The following ANXA4 variants were observed in gnomAD, a reference collection of about 807,000 sequenced individuals.
ANXA4 encodes annexin A4, also known as 35-beta calcimedin.
Under a neutral mutation model 49.8 loss-of-function variants are expected in ANXA4, and 39 were observed. The observed-to-expected ratio is 0.78, with a 90% CI of 0.61 to 1.02. The LOEUF is 1.02. ANXA4 is among the 50% of genes least tolerant of loss of function. ANXA4 has a pLI of 0.00. For synonymous variants in ANXA4, 134 were observed against 152.5 expected (o/e 0.88, Z 0.89); for missense variants, 360 against 410.1 (o/e 0.88, Z 1.05).
At chr2:69,763,920 C>T (rs566411437) in intron 1 of ANXA4, among the ~76,000 whole-genome samples, 1 of 152,256 alleles carries the variant, frequency 6.6e-6, no homozygotes. Context: ...CTCGGCCTCC[C>T]AAAGTGCTGG....
At chr2:69,728,293 T>C (rs1279740989) in intron 3 of ANXA4, among the ~76,000 whole-genome samples, 1 of 152,222 alleles carries the variant, frequency 6.6e-6, no homozygotes, top group Non-Finnish European at 1.5e-5. Context: ...AGCCCTTTTT[T>C]GATACATGTA....
At chr2:69,802,152 C>A (rs564667627) in intron 3 of ANXA4, among the ~76,000 whole-genome samples, 1 of 152,092 alleles carries the variant, frequency 6.6e-6, no homozygotes, top group Non-Finnish European at 1.5e-5. Flanking sequence ...TGATGGGGAG[C>A]CATTGTGTAT....
intron 2 of ANXA4, among the ~76,000 whole-genome samples, chr2:69,710,193 G>A (rs1678633461): frequency 6.6e-6 from 1 of 151,820 alleles, no homozygotes; most frequent in Admixed American, 6.6e-5. Context: ...CACCATATTG[G>A]CCAGGCTGGT....
At chr2:69,682,770 A>G (rs1677643617) in intron 2 of ANXA4, among the ~76,000 whole-genome samples, 1 of 152,246 alleles carries the variant, frequency 6.6e-6, no homozygotes, top group Admixed American at 6.5e-5. Flanking sequence ...AAGGAGAAAT[A>G]CAGTGCAGCA....
chr2:69,684,685 CA>C (rs199639261), intron 2 of ANXA4, among the ~76,000 whole-genome samples: 18,031 of 79,928 alleles, frequency 0.23, 1,464 homozygotes, highest in East Asian at 0.44. Context: ...AAGACTGTCT[CA>C]AAAAAAAAAA....
intron 2 of ANXA4, among the ~76,000 whole-genome samples, chr2:69,665,400 G>A (rs529274246): frequency 2.6e-5 from 4 of 152,182 alleles, no homozygotes; most frequent in Non-Finnish European, 4.4e-5. Context: ...TGGCAGCCAG[G>A]CAACACACTC....
intron 2 of ANXA4, among the ~76,000 whole-genome samples, chr2:69,690,013 T>C (rs915253164): frequency 6.6e-6 from 1 of 152,236 alleles, no homozygotes; most frequent in Admixed American, 6.5e-5. Context: ...TTCTACCTTG[T>C]TTTGTTTTCA....
At chr2:69,746,623 T>A (rs1035159092) in intron 1 of ANXA4, among the ~76,000 whole-genome samples, 19 of 152,180 alleles carry the variant, frequency 1.2e-4, no homozygotes, top group South Asian at 6.2e-4. Context: ...AACCACCACC[T>A]TTGAAGAATT....
At chr2:69,726,004 T>C (rs1265919676) in intron 3 of ANXA4, among the ~76,000 whole-genome samples, 1 of 152,170 alleles carries the variant, frequency 6.6e-6, no homozygotes, top group African/African-American at 2.4e-5. Context: ...GTGAGATCAA[T>C]TGTGTATTTT....
intron 1 of ANXA4, among the ~76,000 whole-genome samples, chr2:69,770,627 A>T (rs1671667315): frequency 6.6e-6 from 1 of 152,014 alleles, no homozygotes; most frequent in Non-Finnish European, 1.5e-5. Flanking sequence ...GGGTGAATTC[A>T]CCACAATGCA....
chr2:69,689,256 T>C (rs1264822828), intron 2 of ANXA4, among the ~76,000 whole-genome samples: 3 of 151,972 alleles, frequency 2.0e-5, no homozygotes, highest in African/African-American at 7.3e-5. Context: ...ATCTTACTAA[T>C]TTTTTTATTT....
At chr2:69,672,219 T>A (rs1677217628) in intron 2 of ANXA4, among the ~76,000 whole-genome samples, 1 of 151,574 alleles carries the variant, frequency 6.6e-6, no homozygotes, top group South Asian at 2.1e-4. Flanking sequence ...TACTTTATTA[T>A]GTATTTTATT....
intron 8 of ANXA4, among the ~76,000 whole-genome samples, chr2:69,814,459 C>T (rs1252912221): frequency 6.6e-6 from 1 of 151,444 alleles, no homozygotes; most frequent in Admixed American, 6.6e-5. Flanking sequence ...GATCCTCCCA[C>T]CTCAGCCTCC....
chr2:69,820,823 T>C lies in ANXA4; in HGVS notation c.906+2T>C, dbSNP rs1179388056. ...AAGTCTCTGTACTCGTTCATCAAGG[T>C]AGGTCACAGCAGCCTAAGTCCAGAG... On this transcript the variant is annotated splice_donor_variant, in intron 12 of 12. Transcript: ENST00000394295. LOFTEE classifies it high-confidence loss of function. 6.2e-7 allele frequency: 1 copy of C among 1,613,830 alleles called. No homozygotes were observed. Among genetic ancestry groups the C allele is most frequent in the Non-Finnish European group, 8.5e-7 (1 of 1,179,834 alleles).
chr2:69,779,185 C>A lies in ANXA4; in HGVS notation c.-46-2335C>A, dbSNP rs150219408. Among the ~76,000 whole-genome samples, 195 of 147,302 alleles carry A rather than the reference C, an allele frequency of 1.3e-3. 1 individual carries two copies. The highest frequency in any genetic ancestry group is 4.5e-3 in the African/African-American group (178 of 39,676). ...TTTTTTTTAATGAAATAAGGGGAGCCAAGTAATGATTTATATTGTGGAAAG... is the reference window on the plus strand; with the variant it reads ...TTTTTTTTAATGAAATAAGGGGAGCAAAGTAATGATTTATATTGTGGAAAG... On this transcript the variant is annotated intron_variant, in intron 1 of 12. Coordinates refer to ENST00000394295, the MANE Select transcript of ANXA4 (RefSeq NM_001153.5).
At chr2:69,648,820 C>CAAA (rs372749631) in intron 1 of ANXA4, among the ~76,000 whole-genome samples, 15 of 44,780 alleles carry the variant, frequency 3.3e-4, no homozygotes, top group African/African-American at 7.7e-4. Context: ...GACTCAGTCT[C>CAAA]AAAAAAAAAA....
At chr2:69,761,862 T>C (rs1671303790) in intron 1 of ANXA4, among the ~76,000 whole-genome samples, 1 of 152,004 alleles carries the variant, frequency 6.6e-6, no homozygotes, top group Non-Finnish European at 1.5e-5. Context: ...TAACTCAAAC[T>C]TGTGCTGTCT....
At chr2:69,747,712 G>A (rs548337053) in intron 1 of ANXA4, among the ~76,000 whole-genome samples, 1 of 152,224 alleles carries the variant, frequency 6.6e-6, no homozygotes. Context: ...CAGAAAGGGG[G>A]TCTTGCTCTG....
intron 9 of ANXA4, chr2:69,816,442 G>A (rs1673998050): frequency 2.7e-6 from 1 of 367,610 alleles, no homozygotes; most frequent in Non-Finnish European, 5.0e-6. Flanking sequence ...CTTGTTTCTA[G>A]GAAACTGACC....
Sources: allele counts gnomAD v4.1 joint callset (sites outside exome capture counted in the v4.1 genomes callset), GRCh38; gene constraint gnomAD v4.1.1; transcripts MANE v1.5; gene names NCBI Gene and HGNC (gene_info 2026-07-23, HGNC 2026-07-21).